CLC: variants seen among roughly 807,000 people sequenced by gnomAD.
The protein encoded by CLC is Charcot-Leyden crystal galectin.
Under a neutral mutation model 13.9 loss-of-function variants are expected in CLC, and 15 were observed. The observed-to-expected ratio is 1.08, with a 90% CI of 0.72 to 1.66. The LOEUF is 1.66. Among genes scored for constraint, CLC ranks in the 40% most tolerant of loss-of-function variants. The pLI is 0.00. For missense variants in CLC, 161 were observed against 169.1 expected, an observed-to-expected ratio of 0.95 and a Z score of 0.27; for synonymous variants, 68 against 59.9, an observed-to-expected ratio of 1.14 and a Z score of -0.63.
In CLC at chr19:39,734,459, CA is replaced by C. The variant is rs1201635066; in HGVS notation, c.126del (p.Glu43ArgfsTer2). The C allele has an allele frequency of 1.2e-6, 2 of 1,614,072 alleles. No homozygotes were observed. The highest frequency in any genetic ancestry group is 1.7e-5 in the Admixed American group (1 of 60,000). Reference sequence around the variant, plus strand: ...ACAATGTCTGATTCCTCCTTCATCTCAGTGTGGAAATCCACCTGCAGATATG... The same window carrying C: ...ACAATGTCTGATTCCTCCTTCATCTCGTGTGGAAATCCACCTGCAGATATG... ...NEPYLQVDFH[T>X]EMKEESDIVF... On this transcript the variant is annotated frameshift_variant, in exon 3 of 4. Coordinates refer to ENST00000221804, the MANE Select transcript of CLC (RefSeq NM_001828.6). LOFTEE classifies it high-confidence loss of function.
rs998717588 is a variant in CLC, at chr19:39,731,447, A to G, written c.362T>C (p.Val121Ala). Residue 121 changes from valine to alanine, a missense_variant, in exon 4 of 4, where the codon GTG (valine) becomes GCG (alanine). Coordinates refer to ENST00000221804, the MANE Select transcript of CLC (RefSeq NM_001828.6). ...TFDHRIKPEA[V>A]KMVQVWRDIS... ...ATCTCTCCACACTTGCACCATCTTC[A>G]CAGCCTCAGGCTTGATTCTATGGTC... 5 of 1,613,790 alleles carry G rather than the reference A, an allele frequency of 3.1e-6. No individual in the cohort carries two copies. The highest frequency in any genetic ancestry group is 4.2e-6 in the Non-Finnish European group (5 of 1,179,724).
In CLC at chr19:39,731,264, A is replaced by T; in HGVS notation, c.*116T>A. ...CAAGAACCAAATTCTGTGAAGTTTG[A>T]TTAAGTTTTAATGAGCAGGAGTAAG... On this transcript the variant is annotated 3_prime_UTR_variant, in exon 4 of 4. Transcript: ENST00000221804. The T allele has an allele frequency of 1.7e-6, 2 of 1,173,262 alleles. No homozygotes were observed. Among genetic ancestry groups the T allele is most frequent in the Non-Finnish European group, 2.5e-6 (2 of 808,476 alleles). 72.7% of individuals were successfully genotyped at this position (1,173,262 alleles called of 1,614,324 possible). A position where few individuals can be genotyped will look rare whatever the true frequency, so the allele number is the denominator to read the frequency against.
chr19:39,737,263 G>A (rs1332072267), intron 1 of CLC, among the ~76,000 whole-genome samples: 1 of 151,372 alleles, frequency 6.6e-6, no homozygotes, highest in Non-Finnish European at 1.5e-5. Flanking sequence ...AAAGGCACCT[G>A]AGAATTCATG....
At position 39,734,407 on chromosome 19, in the gene CLC, C is replaced by T. The variant is rs765426811; in HGVS notation, c.179G>A (p.Arg60His). ...IVFHFQVCFG[R>H]RVVMNSREYG... is the part of the protein sequence containing the mutation. ...CTCACGGCTGTTCATGACCACACGA[C>T]GACCAAAGCACACTTGGAAATGGAA... Residue 60 changes from arginine (R) to histidine (H), a missense_variant, in exon 3 of 4, where the codon CGT becomes CAT. Transcript: ENST00000221804. The T allele has an allele frequency of 8.1e-5, 131 of 1,613,980 alleles. No individual in the cohort carries two copies. Among genetic ancestry groups the T allele is most frequent in the Non-Finnish European group, 9.8e-5 (116 of 1,179,984 alleles).
chr19:39,732,843 A>C (rs958248835), intron 3 of CLC, among the ~76,000 whole-genome samples: 3 of 149,638 alleles, frequency 2.0e-5, no homozygotes, highest in Admixed American at 6.7e-5. Flanking sequence ...CCTAGGCATT[A>C]CCATTCAGGA....
intron 2 of CLC, 73 bp from the exon 3 acceptor site, chr19:39,734,566 C>T: frequency 7.5e-7 from 1 of 1,326,678 alleles, no homozygotes; most frequent in Admixed American, 1.7e-5. Context: ...ACACAAGTCT[C>T]TTTGCCCCTT....
chr19:39,735,491 G>T (rs553537089), intron 1 of CLC, among the ~76,000 whole-genome samples: 1 of 152,064 alleles, frequency 6.6e-6, no homozygotes. Context: ...AATTTTATAC[G>T]TATTTGGAGA....
At position 39,734,329 on chromosome 19, in the gene CLC, C is replaced by CCATCCTGAAAGG. The variant is rs1174487080; in HGVS notation, c.245_256dup (p.Asp85_Gly86insAlaPheGlnAsp). 1 of 1,613,906 alleles carries CCATCCTGAAAGG rather than the reference C, an allele frequency of 6.2e-7. No homozygotes were observed. The highest frequency in any genetic ancestry group is 1.3e-5 in the African/African-American group (1 of 74,910). On this transcript the variant is annotated inframe_insertion, in exon 3 of 4. Coordinates refer to ENST00000221804, the MANE Select transcript of CLC (RefSeq NM_001828.6). ...TGAGATGCTCAGTTCAAATTCTTGG[C>CCATCCTGAAAGG]CATCCTGAAAGGGCATATTCTTGGA...
At chr19:39,732,047 T>TG (rs1967233382) in intron 3 of CLC, among the ~76,000 whole-genome samples, 2 of 80,118 alleles carry the variant, frequency 2.5e-5, no homozygotes, top group African/African-American at 6.2e-5. Context: ...TATCTTTATT[T>TG]ATTTTTTTAT....
chr19:39,734,157 TA>T, intron 3 of CLC, 125 bp downstream of exon 3: 1 of 1,386,102 alleles, frequency 7.2e-7, no homozygotes. Context: ...AAGCCTGGGA[TA>T]AGGGGAGTTG....
chr19:39,731,455 A>G lies in CLC; in HGVS notation c.354T>C (p.Pro118=), dbSNP rs1237958366. The G allele has an allele frequency of 1.9e-6, 3 of 1,613,430 alleles. No individual in the cohort carries two copies. In the African/African-American group the frequency reaches 4.0e-5, roughly 22 times the overall value. ...ACACTTGCACCATCTTCACAGCCTC[A>G]GGCTTGATTCTATGGTCAAAGGTGT... ...SSYTFDHRIK[P]EAVKMVQVWR... Residue 118 remains proline (P), a synonymous_variant, in exon 4 of 4, where the codon CCT becomes CCC. Transcript: ENST00000221804.
At chr19:39,736,403 A>G (rs926520022) in intron 1 of CLC, among the ~76,000 whole-genome samples, 1 of 152,152 alleles carries the variant, frequency 6.6e-6, no homozygotes, top group African/African-American at 2.4e-5. Flanking sequence ...ATTGGCTAGA[A>G]TCTATAAATG....
chr19:39,735,532 T>C (rs935274802), intron 1 of CLC, among the ~76,000 whole-genome samples: 1 of 152,170 alleles, frequency 6.6e-6, no homozygotes, highest in Non-Finnish European at 1.5e-5. Context: ...CCCAGGCTGG[T>C]CTGGAGCATC....
intron 1 of CLC, among the ~76,000 whole-genome samples, chr19:39,736,063 T>C (rs1251171354): frequency 6.6e-6 from 1 of 152,182 alleles, no homozygotes; most frequent in Non-Finnish European, 1.5e-5. Flanking sequence ...TTTATGGGAA[T>C]ACCAAACGAT....
rs1479246825 is a variant in CLC at position 39,734,315 on chromosome 19, G to A, written c.271C>T (p.Leu91=). The change falls in exon 3 of 4, where the codon CTG becomes TTG. Residue 91 remains leucine, a synonymous_variant. Coordinates refer to ENST00000221804, the MANE Select transcript of CLC (RefSeq NM_001828.6). ...TTATCTGGCAGCACTGAGATGCTCA[G>A]TTCAAATTCTTGGCCATCCTGAAAG... is the stretch of plus-strand genomic sequence containing the variant. ...MPFQDGQEFE[L]SISVLPDKYQ... is the part of the protein sequence containing the mutation. 1 of 1,613,872 alleles carries A rather than the reference G, an allele frequency of 6.2e-7. No homozygotes were observed. The highest frequency in any genetic ancestry group is 1.3e-5 in the African/African-American group (1 of 74,926).
At chr19:39,737,229 T>A (rs1160926788) in intron 1 of CLC, among the ~76,000 whole-genome samples, 1 of 151,372 alleles carries the variant, frequency 6.6e-6, no homozygotes, top group Non-Finnish European at 1.5e-5. Context: ...CATCGTCTGT[T>A]TCTCACCCCC....
At chr19:39,733,948 C>T in intron 3 of CLC, 2 of 985,056 alleles carry the variant, frequency 2.0e-6, no homozygotes, top group Non-Finnish European at 2.4e-6. Flanking sequence ...AGGATATTCT[C>T]CATTTGGGGA....
At position 39,737,825 on chromosome 19, in the gene CLC, A is replaced by G. The variant is rs1229960751; in HGVS notation, c.15+113T>C. On this transcript the variant is annotated intron_variant, in intron 1 of 3. Coordinates refer to ENST00000221804, the MANE Select transcript of CLC (RefSeq NM_001828.6). Reference sequence around the variant, plus strand: ...AGGGTCTCTCTTCCACACACCCACAACTCTCAGTAAAGCATTCACAGTAGA... The same window carrying G: ...AGGGTCTCTCTTCCACACACCCACAGCTCTCAGTAAAGCATTCACAGTAGA... The G allele has an allele frequency of 4.5e-6, 5 of 1,111,770 alleles. No homozygotes were observed. The East Asian group carries it at 7.1e-5, about 16-fold the overall frequency. 68.9% of individuals were successfully genotyped at this position (1,111,770 alleles called of 1,614,324 possible). A position where few individuals can be genotyped will look rare whatever the true frequency, so the allele number is the denominator to read the frequency against.
intron 1 of CLC, 58 bp from the exon 2 acceptor site, chr19:39,735,131 G>A: frequency 8.2e-7 from 1 of 1,215,902 alleles, no homozygotes; most frequent in South Asian, 1.2e-5. Flanking sequence ...CTCCCCTCCT[G>A]TAACAGATTC....
Sources: allele counts gnomAD v4.1 joint callset (sites outside exome capture counted in the v4.1 genomes callset), GRCh38; gene constraint gnomAD v4.1.1; transcripts MANE v1.5; gene names NCBI Gene and HGNC (gene_info 2026-07-23, HGNC 2026-07-21).